TPO: variants seen among roughly 807,000 people sequenced by gnomAD.
The protein encoded by TPO is thyroid microsomal antigen.
Under a neutral mutation model 96.9 loss-of-function variants are expected in TPO, and 78 were observed. The observed-to-expected ratio is 0.81, with a 90% CI of 0.67 to 0.97. TPO has a LOEUF of 0.97. Ranked by LOEUF, TPO falls within the 50% of genes least tolerant of loss-of-function variation. The pLI is 0.00. For missense variants in TPO, 1,252 were observed against 1,274.8 expected (o/e 0.98, Z 0.27); for synonymous variants, 547 against 538.0 (o/e 1.02, Z -0.23).
chr2:1,472,348 T>G (rs1669503321), intron 7 of TPO, among the ~76,000 whole-genome samples: 1 of 151,974 alleles, frequency 6.6e-6, no homozygotes, highest in Non-Finnish European at 1.5e-5. Context: ...ATGATCTGAG[T>G]GCTCATAGTG....
At chr2:1,395,159 G>T (rs796560435) in intron 1 of TPO, among the ~76,000 whole-genome samples, 5 of 152,178 alleles carry the variant, frequency 3.3e-5, no homozygotes, top group African/African-American at 1.2e-4. Context: ...AGGAAGCCCT[G>T]CCTCTCCAGG....
chr2:1,533,879 A>C (rs374913448), intron 15 of TPO, among the ~76,000 whole-genome samples: 29 of 59,964 alleles, frequency 4.8e-4, no homozygotes, highest in South Asian at 1.4e-3. Context: ...AATCCCCCCC[A>C]CTCTGTGTGC....
intron 15 of TPO, among the ~76,000 whole-genome samples, chr2:1,517,551 G>C (rs752411696): frequency 2.2e-4 from 33 of 151,630 alleles, no homozygotes; most frequent in Admixed American, 1.3e-4. Context: ...AACCGGCTCT[G>C]TTCCTTGCTG....
rs375364192 is a variant in TPO at position 1,532,798 on chromosome 2, C to G, written c.2619-7796C>G. On this transcript the variant is annotated intron_variant, in intron 15 of 16. Transcript: ENST00000329066. Reference sequence around the variant, plus strand: ...GAGCAACCTCCCCAAATCCCCCACACTATGTGCAACCTCCTCAAATCCCCC... The same window carrying G: ...GAGCAACCTCCCCAAATCCCCCACAGTATGTGCAACCTCCTCAAATCCCCC... 3.1e-3 allele frequency among the ~76,000 whole-genome samples: 169 copies of G among 55,000 alleles called. 1 individual carries two copies. The highest frequency in any genetic ancestry group is 0.011 in the East Asian group (13 of 1,228). 36.1% of individuals were successfully genotyped at this position (55,000 alleles called of 152,430 possible). A position where few individuals can be genotyped will look rare whatever the true frequency, so the allele number is the denominator to read the frequency against.
intron 15 of TPO, among the ~76,000 whole-genome samples, chr2:1,520,749 CTT>C (rs946993994): frequency 2.6e-5 from 4 of 152,216 alleles, no homozygotes; most frequent in African/African-American, 9.6e-5. Context: ...TCTGTGCAAA[CTT>C]TTACACTAAA....
At chr2:1,413,083 C>T (rs182822873), upstream of TPO, among the ~76,000 whole-genome samples, 48 of 152,222 alleles carry the variant, frequency 3.2e-4, no homozygotes, top group East Asian at 8.5e-3. Flanking sequence ...AGCGAGTCAT[C>T]GGTGGGCCTG....
intron 14 of TPO, among the ~76,000 whole-genome samples, chr2:1,509,215 C>T (rs1278960179): frequency 6.6e-6 from 1 of 152,178 alleles, no homozygotes; most frequent in African/African-American, 2.4e-5. Flanking sequence ...TTTCTGAATC[C>T]TGAGTTCTAG....
chr2:1,476,881 C>G (rs1415047117), intron 7 of TPO, among the ~76,000 whole-genome samples: 2 of 151,376 alleles, frequency 1.3e-5, no homozygotes, highest in African/African-American at 2.4e-5. Flanking sequence ...GCTGGACCAA[C>G]CCCTGCAGCC....
chr2:1,461,511 T>C (rs1399389), intron 7 of TPO, among the ~76,000 whole-genome samples: 121,033 of 151,940 alleles, frequency 0.8, 48,649 homozygotes, highest in Non-Finnish European at 0.85. Flanking sequence ...CCTTTCGTCC[T>C]AAGAAAAGTC....
At chr2:1,450,641 G>A (rs6754104) in intron 5 of TPO, among the ~76,000 whole-genome samples, 62,154 of 152,036 alleles carry the variant, frequency 0.41, 13,260 homozygotes, top group East Asian at 0.48. Flanking sequence ...CCTGCTGACC[G>A]TGAAGGTCAG....
chr2:1,434,531 C>T (rs767396927), intron 4 of TPO, among the ~76,000 whole-genome samples: 2 of 152,192 alleles, frequency 1.3e-5, no homozygotes, highest in Non-Finnish European at 2.9e-5. Flanking sequence ...TAAGAACTCT[C>T]GGTCCACTGT....
chr2:1,457,479 C>A (rs11673953), intron 7 of TPO, among the ~76,000 whole-genome samples: 5,293 of 8,768 alleles, frequency 0.6, 1,952 homozygotes, highest in South Asian at 0.8. Flanking sequence ...CATGTATGAT[C>A]GTGTGTGGGC....
chr2:1,483,928 A>T (rs1670875167), intron 8 of TPO, among the ~76,000 whole-genome samples: 1 of 152,216 alleles, frequency 6.6e-6, no homozygotes, highest in South Asian at 2.1e-4. Context: ...TGCCTTCCTA[A>T]ACTGGTAAGC....
intron 5 of TPO, among the ~76,000 whole-genome samples, chr2:1,442,081 C>T (rs998134536): frequency 6.6e-6 from 1 of 152,192 alleles, no homozygotes; most frequent in Non-Finnish European, 1.5e-5. Flanking sequence ...TGCCGCCATC[C>T]ATGTAAGACA....
rs1324569521 is a variant in TPO at position 1,423,149 on chromosome 2, C to A, written c.179+20C>A. The A allele has an allele frequency of 1.2e-6, 2 of 1,611,288 alleles. No individual in the cohort carries two copies. Among genetic ancestry groups the A allele is most frequent in the South Asian group, 2.2e-5 (2 of 90,984 alleles). The stretch of plus-strand genomic sequence containing the variant: ...GCAGAGGTGAGCCTTGCGGAGGGGC[C>A]GCCGCCCCAAATGCCACCGACAGGC... On this transcript the variant is annotated intron_variant, in intron 3 of 16. Coordinates refer to ENST00000329066, the MANE Select transcript of TPO (RefSeq NM_001206744.2).
intron 1 of TPO, among the ~76,000 whole-genome samples, chr2:1,394,511 C>T (rs745647312): frequency 2.0e-5 from 3 of 152,176 alleles, no homozygotes; most frequent in South Asian, 4.1e-4. Flanking sequence ...CCAGACCCGC[C>T]GAACAGACGT....
intron 14 of TPO, among the ~76,000 whole-genome samples, chr2:1,505,516 CTGTGTCAAGCACAA>C (rs1673349041): frequency 9.8e-6 from 1 of 101,744 alleles, no homozygotes; most frequent in African/African-American, 4.5e-5. Context: ...CACCACCATC[CTGTGTCAAGCACAA>C]CCCCCCTCCT....
At chr2:1,383,597 A>T (rs1008444205) in intron 1 of TPO, among the ~76,000 whole-genome samples, 2 of 151,896 alleles carry the variant, frequency 1.3e-5, no homozygotes, top group African/African-American at 4.8e-5. Context: ...AATTTGTTTG[A>T]GTTCTTTGTA....
intron 14 of TPO, among the ~76,000 whole-genome samples, chr2:1,512,756 A>T (rs1383204755): frequency 6.6e-6 from 1 of 152,184 alleles, no homozygotes; most frequent in Non-Finnish European, 1.5e-5. Flanking sequence ...ACGATGGTGG[A>T]CAGTGACCTT....
Sources: allele counts gnomAD v4.1 joint callset (sites outside exome capture counted in the v4.1 genomes callset), GRCh38; gene constraint gnomAD v4.1.1; transcripts MANE v1.5; gene names NCBI Gene and HGNC (gene_info 2026-07-23, HGNC 2026-07-21).